ANTXR2: variants seen among roughly 807,000 people sequenced by gnomAD.
The protein encoded by ANTXR2 is ANTXR cell adhesion molecule 2.
A neutral mutation model predicts 73.7 loss-of-function variants in ANTXR2; 44 were observed. The observed-to-expected ratio is 0.60, with a 90% CI of 0.47 to 0.77. ANTXR2 has a LOEUF of 0.77. ANTXR2 is among the 30% of genes least tolerant of loss of function. ANTXR2 has a pLI of 0.00. For missense variants in ANTXR2, 604 were observed against 592.5 expected, an observed-to-expected ratio of 1.02 and a Z score of -0.20; for synonymous variants, 217 against 205.9, an observed-to-expected ratio of 1.05 and a Z score of -0.46.
At chr4:79,992,795 T>C (rs1433651585) in intron 12 of ANTXR2, among the ~76,000 whole-genome samples, 1 of 152,096 alleles carries the variant, frequency 6.6e-6, no homozygotes, top group Non-Finnish European at 1.5e-5. Context: ...AAAGCTAACA[T>C]TCCTTCCTAT....
intron 10 of ANTXR2, among the ~76,000 whole-genome samples, chr4:80,023,648 G>T (rs762779407): frequency 2.0e-5 from 3 of 152,148 alleles, no homozygotes; most frequent in Non-Finnish European, 4.4e-5. Flanking sequence ...GCAGGAAGTC[G>T]ACTACAGGAT....
At chr4:80,023,199 G>T (rs1292103576) in intron 10 of ANTXR2, among the ~76,000 whole-genome samples, 1 of 152,098 alleles carries the variant, frequency 6.6e-6, no homozygotes, top group African/African-American at 2.4e-5. Flanking sequence ...TTCAAAAAAT[G>T]CCTACTATAT....
chr4:79,930,253 T>C (rs1284002003), intron 16 of ANTXR2, among the ~76,000 whole-genome samples: 1 of 152,176 alleles, frequency 6.6e-6, no homozygotes, highest in Non-Finnish European at 1.5e-5. Flanking sequence ...TGAAATGTAT[T>C]ATGAAGATGA....
At chr4:79,984,106 T>C (rs1268303618) in intron 13 of ANTXR2, 136 bp from the exon 14 acceptor site, 2 of 623,686 alleles carry the variant, frequency 3.2e-6, no homozygotes, top group Non-Finnish European at 5.3e-6. Context: ...CATGTGGATA[T>C]ATTTACACTT....
At chr4:79,962,208 TAC>T (rs1167164718) in intron 16 of ANTXR2, among the ~76,000 whole-genome samples, 10 of 152,164 alleles carry the variant, frequency 6.6e-5, no homozygotes, top group African/African-American at 2.2e-4. Flanking sequence ...GTTCATGATA[TAC>T]ACAGTGAGCA....
chr4:79,913,658 C>T (rs772845516), intron 16 of ANTXR2, among the ~76,000 whole-genome samples: 1 of 152,058 alleles, frequency 6.6e-6, no homozygotes, highest in Non-Finnish European at 1.5e-5. Flanking sequence ...CCTTTCTCTC[C>T]CTATCAGTTT....
chr4:79,949,189 C>G (rs1041616349), intron 16 of ANTXR2, among the ~76,000 whole-genome samples: 3 of 152,086 alleles, frequency 2.0e-5, no homozygotes. Context: ...GACGCAAGTA[C>G]CCACAAACAG....
intron 7 of ANTXR2, among the ~76,000 whole-genome samples, chr4:80,045,100 C>T (rs975342774): frequency 3.3e-5 from 5 of 151,456 alleles, no homozygotes; most frequent in Non-Finnish European, 7.4e-5. Context: ...TTAATAGTAC[C>T]TATAAGGCAT....
chr4:79,919,909 ATATATATATAT>A, intron 16 of ANTXR2, among the ~76,000 whole-genome samples: 6 of 18,666 alleles, frequency 3.2e-4, no homozygotes, highest in African/African-American at 1.0e-3. Flanking sequence ...ATATATATAT[ATATATATATAT>A]AAAAAATGAT....
At chr4:79,935,108 G>A (rs1174277442) in intron 16 of ANTXR2, among the ~76,000 whole-genome samples, 1 of 151,542 alleles carries the variant, frequency 6.6e-6, no homozygotes. Context: ...AAAAACAACT[G>A]AATAATGCTG....
intron 9 of ANTXR2, among the ~76,000 whole-genome samples, chr4:80,032,937 CA>C (rs148620017): frequency 1.4e-5 from 2 of 147,870 alleles, no homozygotes; most frequent in Non-Finnish European, 1.5e-5. Flanking sequence ...ATCTATAAGG[CA>C]AAAAAAGACT....
chr4:80,061,617 G>A (rs1434593942), intron 3 of ANTXR2, among the ~76,000 whole-genome samples: 4 of 152,010 alleles, frequency 2.6e-5, no homozygotes, highest in African/African-American at 7.2e-5. Flanking sequence ...AATATGAAAC[G>A]AAAATGTTCT....
At chr4:80,047,392 T>G (rs1733568671) in intron 7 of ANTXR2, among the ~76,000 whole-genome samples, 1 of 151,728 alleles carries the variant, frequency 6.6e-6, no homozygotes, top group Non-Finnish European at 1.5e-5. Flanking sequence ...GTCAAAATAT[T>G]TTAAATGTAT....
At chr4:80,068,761 G>C (rs1734640443) in intron 3 of ANTXR2, among the ~76,000 whole-genome samples, 1 of 152,096 alleles carries the variant, frequency 6.6e-6, no homozygotes, top group Admixed American at 6.6e-5. Flanking sequence ...AACAGAGAGA[G>C]ACTCTGTCTC....
At chr4:80,017,582 T>C (rs2110067493) in intron 11 of ANTXR2, among the ~76,000 whole-genome samples, 1 of 152,310 alleles carries the variant, frequency 6.6e-6, no homozygotes, top group East Asian at 1.9e-4. Context: ...CATCCTTGCA[T>C]GTGAAAATCA....
At chr4:79,993,058 CA>C (rs1730545906) in intron 12 of ANTXR2, among the ~76,000 whole-genome samples, 1 of 151,462 alleles carries the variant, frequency 6.6e-6, no homozygotes, top group Non-Finnish European at 1.5e-5. Context: ...TTTTATCTAC[CA>C]AAAAAGGGTT....
intron 16 of ANTXR2, among the ~76,000 whole-genome samples, chr4:79,954,528 T>G (rs1728819833): frequency 6.6e-6 from 1 of 152,142 alleles, no homozygotes; most frequent in African/African-American, 2.4e-5. Flanking sequence ...GAGGATCACT[T>G]GAGCCCAGGA....
chr4:80,060,890 TTGAA>T (rs1734218688), intron 3 of ANTXR2, among the ~76,000 whole-genome samples: 1 of 152,150 alleles, frequency 6.6e-6, no homozygotes, highest in Non-Finnish European at 1.5e-5. Context: ...GCACTGTGCA[TTGAA>T]TGAGCAGTTC....
At chr4:80,069,565 A>G (rs999681701) in intron 2 of ANTXR2, 58 bp from the exon 3 acceptor site, 1 of 1,333,266 alleles carries the variant, frequency 7.5e-7, no homozygotes, top group African/African-American at 1.5e-5. Context: ...TTGATACGAT[A>G]CAGATGTATA....
Sources: allele counts gnomAD v4.1 joint callset (sites outside exome capture counted in the v4.1 genomes callset), GRCh38; gene constraint gnomAD v4.1.1; transcripts MANE v1.5; gene names NCBI Gene and HGNC (gene_info 2026-07-23, HGNC 2026-07-21).